The following HEBP1 variants were observed in gnomAD, a reference collection of about 807,000 sequenced individuals.
The protein encoded by HEBP1 is heme-binding protein 1.
Under a neutral mutation model 20.4 loss-of-function variants are expected in HEBP1, and 13 were observed. That is an observed-to-expected ratio of 0.64 (90% CI 0.42 to 1.01). HEBP1 has a LOEUF of 1.01. Ranked by LOEUF, HEBP1 falls within the 50% of genes least tolerant of loss-of-function variation. The pLI, the probability that HEBP1 is intolerant of heterozygous loss-of-function variation, is 0.00. For missense variants in HEBP1, 241 were observed against 247.3 expected (o/e 0.97, Z 0.17); for synonymous variants, 92 against 90.7 (o/e 1.01, Z -0.08).
Position 12,986,993 on chromosome 12 carries a change from T to A in HEBP1, c.398+159A>T. ...ATGCAAATGTGTGTGTGCTGCAGCCTGAAGAAATTAAAATGAGAAACTGTT... is the reference window on the plus strand; with the variant it reads ...ATGCAAATGTGTGTGTGCTGCAGCCAGAAGAAATTAAAATGAGAAACTGTT... On this transcript the variant is annotated intron_variant, in intron 3 of 3. Transcript: ENST00000014930. This position sits in a 1 kb window ranked among gnomAD's most constrained non-coding sequence, Gnocchi z 4.3. 1.5e-6 allele frequency: 1 copy of A among 681,912 alleles called. No individual in the cohort carries two copies. 42.2% of individuals were successfully genotyped at this position (681,912 alleles called of 1,614,324 possible).
At chr12:12,991,482 G>T (rs899083704) in intron 1 of HEBP1, among the ~76,000 whole-genome samples, 1 of 152,062 alleles carries the variant, frequency 6.6e-6, no homozygotes, top group African/African-American at 2.4e-5. Flanking sequence ...ACCACTTTCT[G>T]CATTGAGGCC....
chr12:12,990,116 G>GCA (rs36210276), intron 1 of HEBP1, among the ~76,000 whole-genome samples: 1,969 of 149,588 alleles, frequency 0.013, 33 homozygotes, highest in African/African-American at 0.045. Context: ...TACTCTCTGT[G>GCA]CACACACACA....
chr12:12,988,067 A>T (rs1342013768), intron 2 of HEBP1, among the ~76,000 whole-genome samples: 1 of 152,272 alleles, frequency 6.6e-6, no homozygotes, highest in Non-Finnish European at 1.5e-5. Flanking sequence ...TTACAGACAC[A>T]TGATACAATA....
intron 1 of HEBP1, 103 bp from the exon 2 acceptor site, chr12:12,989,518 G>T: frequency 9.2e-7 from 1 of 1,086,954 alleles, no homozygotes; most frequent in Non-Finnish European, 1.4e-6. Flanking sequence ...TGGTGGGTAT[G>T]GCCATAGAGC....
chr12:12,987,438 G>A (rs1864166228), intron 2 of HEBP1, 106 bp from the exon 3 acceptor site: 13 of 842,798 alleles, frequency 1.5e-5, no homozygotes, highest in Non-Finnish European at 5.5e-6. Flanking sequence ...GTATGTTTTT[G>A]TTCTTGAAAT....
At chr12:12,977,365 G>A (rs1052863213) in intron 3 of HEBP1, 1 of 152,252 alleles carries the variant, frequency 6.6e-6, no homozygotes, top group Non-Finnish European at 1.5e-5. Flanking sequence ...TTGCTCAGAA[G>A]AGCCTTTTAA....
intron 3 of HEBP1, among the ~76,000 whole-genome samples, chr12:12,978,640 G>A (rs565178128): frequency 2.0e-4 from 31 of 152,264 alleles, no homozygotes; most frequent in African/African-American, 7.0e-4. Context: ...ACAGCCAAGT[G>A]TGAGATGATG....
chr12:12,994,636 T>C (rs2136551238), intron 1 of HEBP1, among the ~76,000 whole-genome samples: 2 of 152,234 alleles, frequency 1.3e-5, no homozygotes, highest in Middle Eastern at 6.8e-3. Flanking sequence ...TTGGCTCAAC[T>C]TCACCACCTC....
intron 1 of HEBP1, among the ~76,000 whole-genome samples, chr12:12,999,174 T>G (rs1864324638): frequency 6.6e-6 from 1 of 152,216 alleles, no homozygotes; most frequent in Non-Finnish European, 1.5e-5. Context: ...AGTAGATACC[T>G]TCCAAGCCCC....
At chr12:12,990,446 C>A (rs1864208438) in intron 1 of HEBP1, among the ~76,000 whole-genome samples, 1 of 151,754 alleles carries the variant, frequency 6.6e-6, no homozygotes, top group African/African-American at 2.4e-5. Context: ...CCAGTGTTGG[C>A]ATTATAGGCA....
At position 13,000,169 on chromosome 12, in the gene HEBP1, G is replaced by T. The variant is rs904197702; in HGVS notation, c.-55C>A. The T allele has an allele frequency of 6.5e-5, 82 of 1,254,476 alleles. No homozygotes were observed. Among genetic ancestry groups the T allele is most frequent in the Non-Finnish European group, 8.5e-5 (76 of 892,724 alleles). 77.7% of individuals were successfully genotyped at this position (1,254,476 alleles called of 1,614,324 possible). ...GAGGACGTGAGGTGGCGGGGGCGACGGAGCACCACGGGCAGCGACCACCGG... is the reference window on the plus strand; with the variant it reads ...GAGGACGTGAGGTGGCGGGGGCGACTGAGCACCACGGGCAGCGACCACCGG... On this transcript the variant is annotated 5_prime_UTR_variant, in exon 1 of 4. Coordinates refer to ENST00000014930, the MANE Select transcript of HEBP1 (RefSeq NM_015987.5).
At chr12:12,984,935 A>G (rs575237370) in intron 3 of HEBP1, among the ~76,000 whole-genome samples, 1 of 152,322 alleles carries the variant, frequency 6.6e-6, no homozygotes, top group East Asian at 1.9e-4. Flanking sequence ...GTGGATCACA[A>G]GGTCAGGAGT....
chr12:12,992,509 A>G (rs577964202), intron 1 of HEBP1, among the ~76,000 whole-genome samples: 1 of 152,120 alleles, frequency 6.6e-6, no homozygotes, highest in South Asian at 2.1e-4. Flanking sequence ...CGGCCTTAAT[A>G]TTGTAATTTT....
At position 12,981,494 on chromosome 12, in the gene HEBP1, GAC is replaced by G. The variant is rs369616281; in HGVS notation, c.398+5656_398+5657del. Among the ~76,000 whole-genome samples, 476 of 152,290 alleles carry G rather than the reference GAC, an allele frequency of 3.1e-3. 4 individuals carry two copies. Among genetic ancestry groups the G allele is most frequent in the Middle Eastern group, 0.01 (3 of 294 alleles). On this transcript the variant is annotated intron_variant, in intron 3 of 3. Transcript: ENST00000014930. ...AGAAAATGGTGATTAATTAGGCTGA[GAC>G]ACAGAATCTTATCATTGGCAAGGCT...
At position 12,975,525 on chromosome 12, in the gene HEBP1, TGA is replaced by T. The variant is rs34869105; in HGVS notation, c.399-48_399-47del. 2,897 of 1,527,422 alleles carry T rather than the reference TGA, an allele frequency of 1.9e-3. 44 individuals carry two copies. In the African/African-American group the frequency reaches 0.035, roughly 19 times the overall value. 94.6% of individuals were successfully genotyped at this position (1,527,422 alleles called of 1,614,324 possible). ...GCTGGTTACGAAAGGACATGACCTC[TGA>T]GAGAGGGGGGATCTTTAGAAAAAAG... On this transcript the variant is annotated intron_variant, in intron 3 of 3. Transcript: ENST00000014930.
chr12:12,990,198 T>TTTCA (rs1441965510), intron 1 of HEBP1, among the ~76,000 whole-genome samples: 1 of 151,960 alleles, frequency 6.6e-6, no homozygotes, highest in Non-Finnish European at 1.5e-5. Context: ...TGAGACAGTG[T>TTTCA]TTCACTCTGT....
At chr12:12,983,611 T>C in intron 3 of HEBP1, 1 of 445,770 alleles carries the variant, frequency 2.2e-6, no homozygotes, top group Non-Finnish European at 4.5e-6. Context: ...CAGGGTAATT[T>C]TGAATGCTCA....
chr12:12,985,957 C>T (rs1864146803), intron 3 of HEBP1: 1 of 152,184 alleles, frequency 6.6e-6, no homozygotes, highest in Non-Finnish European at 1.5e-5. Flanking sequence ...ACATCTAACC[C>T]AGGGCACAAG....
chr12:12,998,209 A>T lies in HEBP1; in HGVS notation c.78+1828T>A, dbSNP rs565826183. On this transcript the variant is annotated intron_variant, in intron 1 of 3. Transcript: ENST00000014930. This position sits in a 1 kb window ranked among gnomAD's most constrained non-coding sequence, Gnocchi z 4.2. ...GATACATTTTATTTGTTCATTAGCC[A>T]ATAAAACATAAGTTCCATGAGGGCA... Among the ~76,000 whole-genome samples, 1 of 152,242 alleles carries T rather than the reference A, an allele frequency of 6.6e-6. No individual in the cohort carries two copies. The highest frequency in any genetic ancestry group is 2.4e-5 in the African/African-American group (1 of 41,540).
Sources: allele counts gnomAD v4.1 joint callset (sites outside exome capture counted in the v4.1 genomes callset), GRCh38; gene constraint gnomAD v4.1.1; non-coding constraint Gnocchi (gnomAD v3.1); transcripts MANE v1.5; gene names NCBI Gene and HGNC (gene_info 2026-07-23, HGNC 2026-07-21).